The following UBE2N variants were observed in gnomAD, a reference collection of about 807,000 sequenced individuals.
UBE2N encodes the protein ubiquitin conjugating enzyme E2 N, also known as ubiquitin-conjugating enzyme E2 N.
For missense variants in UBE2N, 60 were observed against 192.1 expected, an observed-to-expected ratio of 0.31 and a Z score of 4.07; for synonymous variants, 70 against 69.2, an observed-to-expected ratio of 1.01 and a Z score of -0.06.
chr12:93,429,268 TCA>T, intron 1 of UBE2N: 1 of 386,378 alleles, frequency 2.6e-6, no homozygotes, highest in South Asian at 1.9e-5. Flanking sequence ...AGACTCTGTC[TCA>T]AAAAAAAAAA....
intron 1 of UBE2N, among the ~76,000 whole-genome samples, chr12:93,438,363 G>A (rs1878999090): frequency 6.6e-6 from 1 of 152,104 alleles, no homozygotes; most frequent in Admixed American, 6.5e-5. Context: ...TTAGGTAGAG[G>A]GTATGACATA....
intron 1 of UBE2N, among the ~76,000 whole-genome samples, chr12:93,425,780 T>C (rs892455920): frequency 5.3e-5 from 8 of 152,236 alleles, no homozygotes; most frequent in African/African-American, 1.7e-4. Context: ...AGCCTTAGCT[T>C]TGACACTATT....
Position 93,410,828 on chromosome 12 carries a change from G to A in UBE2N, c.324C>T (p.Ile108=). 1.9e-6 allele frequency: 3 copies of A among 1,614,134 alleles called. No individual in the cohort carries two copies. The highest frequency in any genetic ancestry group is 2.5e-6 in the Non-Finnish European group (3 of 1,180,024). ...GATTGGGAGCACTTAACAAGGCCTGGATCGATAGCAGAACTGTGCGGATCT... is the reference window on the plus strand; with the variant it reads ...GATTGGGAGCACTTAACAAGGCCTGAATCGATAGCAGAACTGTGCGGATCT... The part of the protein sequence containing the change: ...ALQIRTVLLS[I]QALLSAPNPD... Residue 108 remains isoleucine, a synonymous_variant, in exon 3 of 4, where the codon ATC becomes ATT. Coordinates refer to ENST00000318066, the MANE Select transcript of UBE2N (RefSeq NM_003348.4).
chr12:93,429,808 G>T (rs1483098475), intron 1 of UBE2N, among the ~76,000 whole-genome samples: 1 of 151,956 alleles, frequency 6.6e-6, no homozygotes, highest in Admixed American at 6.6e-5. Flanking sequence ...AGAGAAAAAA[G>T]CTTATAGGAT....
At chr12:93,414,301 T>C (rs1433555701) in intron 1 of UBE2N, among the ~76,000 whole-genome samples, 5 of 136,104 alleles carry the variant, frequency 3.7e-5, no homozygotes, top group African/African-American at 2.9e-5. Context: ...AATATAAAAT[T>C]AGCTAGGCAT....
At chr12:93,410,258 C>A in intron 3 of UBE2N, 179 bp from the exon 4 acceptor site, 1 of 559,594 alleles carries the variant, frequency 1.8e-6, no homozygotes, top group Non-Finnish European at 3.1e-6. Flanking sequence ...GTCCAATTAC[C>A]AAAACACTAC....
Position 93,425,710 on chromosome 12 carries a change from A to G in UBE2N, c.31-14411T>C, listed in dbSNP as rs150486139. Among the ~76,000 whole-genome samples the G allele has an allele frequency of 4.9e-3, 753 of 152,308 alleles. 19 individuals are homozygous for G. Among genetic ancestry groups the G allele is most frequent in the Admixed American group, 0.046 (708 of 15,302 alleles). ...CTGCAAAGAGCAGGAGTATGCAGAA[A>G]AAAAGACTTGCAAGACTCCAAACCG... On this transcript the variant is annotated intron_variant, in intron 1 of 3. Transcript: ENST00000318066.
chr12:93,419,198 G>C (rs995602284), intron 1 of UBE2N, among the ~76,000 whole-genome samples: 1 of 152,078 alleles, frequency 6.6e-6, no homozygotes, highest in African/African-American at 2.4e-5. Flanking sequence ...TCAGGAGTTC[G>C]AGACCAACAT....
chr12:93,440,952 G>T (rs1457247314), intron 1 of UBE2N, among the ~76,000 whole-genome samples: 1 of 152,146 alleles, frequency 6.6e-6, no homozygotes, highest in East Asian at 1.9e-4. Flanking sequence ...CCCCACAGAG[G>T]CCAAGGTAGG....
At chr12:93,434,485 C>T (rs1878869489) in intron 1 of UBE2N, among the ~76,000 whole-genome samples, 1 of 152,216 alleles carries the variant, frequency 6.6e-6, no homozygotes, top group Non-Finnish European at 1.5e-5. Flanking sequence ...AACTGCTTGA[C>T]ACAGAGGAGC....
intron 1 of UBE2N, among the ~76,000 whole-genome samples, chr12:93,422,971 C>T (rs1378999442): frequency 2.0e-5 from 3 of 152,160 alleles, no homozygotes; most frequent in Non-Finnish European, 2.9e-5. Flanking sequence ...AAAAGGACTG[C>T]CTGGAAGCAT....
chr12:93,434,118 C>T (rs1347777631), intron 1 of UBE2N, among the ~76,000 whole-genome samples: 4 of 152,072 alleles, frequency 2.6e-5, no homozygotes, highest in Non-Finnish European at 5.9e-5. Flanking sequence ...TGGTGAAACC[C>T]GTCTCTACTA....
At chr12:93,427,237 C>A (rs1169407943) in intron 1 of UBE2N, among the ~76,000 whole-genome samples, 1 of 152,174 alleles carries the variant, frequency 6.6e-6, no homozygotes, top group Non-Finnish European at 1.5e-5. Flanking sequence ...AATTCTTATT[C>A]CACTGTGGCC....
At chr12:93,441,436 G>A (rs948492298) in intron 1 of UBE2N, among the ~76,000 whole-genome samples, 10 of 152,274 alleles carry the variant, frequency 6.6e-5, no homozygotes, top group Non-Finnish European at 1.3e-4. Context: ...GCTGCCGAGG[G>A]ACCTTGTCGG....
At chr12:93,430,098 G>C in intron 1 of UBE2N, among the ~76,000 whole-genome samples, 1 of 152,048 alleles carries the variant, frequency 6.6e-6, no homozygotes. Context: ...TTCCTTCATG[G>C]TTAAGTGCCC....
intron 1 of UBE2N, among the ~76,000 whole-genome samples, chr12:93,419,433 T>C (rs1305202575): frequency 6.6e-6 from 1 of 151,804 alleles, no homozygotes; most frequent in Non-Finnish European, 1.5e-5. Flanking sequence ...ACATCACTAA[T>C]AACAGAAATG....
intron 1 of UBE2N, among the ~76,000 whole-genome samples, chr12:93,440,949 G>A (rs1052481699): frequency 6.6e-6 from 1 of 152,026 alleles, no homozygotes; most frequent in Non-Finnish European, 1.5e-5. Context: ...ATCCCCCACA[G>A]AGGCCAAGGT....
chr12:93,417,055 G>A (rs1334052086), intron 1 of UBE2N, among the ~76,000 whole-genome samples: 1 of 152,124 alleles, frequency 6.6e-6, no homozygotes, highest in African/African-American at 2.4e-5. Flanking sequence ...CAGGAAATTA[G>A]TTAATGTAGA....
chr12:93,414,435 CGA>C, intron 1 of UBE2N, among the ~76,000 whole-genome samples: 1 of 127,974 alleles, frequency 7.8e-6, no homozygotes, highest in Non-Finnish European at 1.6e-5. Context: ...GGCAAAAGAG[CGA>C]AGCTCCGTCT....
Sources: allele counts gnomAD v4.1 joint callset (sites outside exome capture counted in the v4.1 genomes callset), GRCh38; gene constraint gnomAD v4.1.1; transcripts MANE v1.5; gene names NCBI Gene and HGNC (gene_info 2026-07-23, HGNC 2026-07-21).